The following STXBP5L variants were observed in gnomAD, a reference collection of about 807,000 sequenced individuals.
STXBP5L encodes syntaxin binding protein 5L.
Under a neutral mutation model 144.5 loss-of-function variants are expected in STXBP5L, and 65 were observed. The ratio of observed to expected loss-of-function variants is 0.45; its 90% CI spans 0.37 to 0.55. The LOEUF (loss-of-function observed/expected upper bound fraction) is 0.55. STXBP5L is among the 20% of genes least tolerant of loss of function. The pLI, the probability that STXBP5L is intolerant of heterozygous loss-of-function variation, is 0.00. For missense variants in STXBP5L, 1,298 were observed against 1,405.5 expected (o/e 0.92, Z 1.22); for synonymous variants, 505 against 469.6 (o/e 1.08, Z -0.97).
chr3:121,050,817 A>T (rs1291332059), intron 5 of STXBP5L, among the ~76,000 whole-genome samples: 1 of 152,202 alleles, frequency 6.6e-6, no homozygotes, highest in African/African-American at 2.4e-5. Flanking sequence ...AAGACCTATC[A>T]GTGTGCTGTA....
In STXBP5L at chr3:121,119,446, A is replaced by C. The variant is rs1320618389; in HGVS notation, c.606-2195A>C. On this transcript the variant is annotated intron_variant, in intron 6 of 26. Transcript: ENST00000471454. Reference sequence around the variant, plus strand: ...GAATATCAATATTTAAGATATGGGAAGATAATGAAAAGCCCATAATGGAAA... The same window carrying C: ...GAATATCAATATTTAAGATATGGGACGATAATGAAAAGCCCATAATGGAAA... Among the ~76,000 whole-genome samples the C allele has an allele frequency of 2.6e-5, 4 of 151,426 alleles. No individual in the cohort carries two copies. The South Asian group carries it at 8.3e-4, about 31-fold the overall frequency.
intron 3 of STXBP5L, among the ~76,000 whole-genome samples, chr3:121,006,050 T>C (rs1218532140): frequency 6.6e-6 from 1 of 152,190 alleles, no homozygotes; most frequent in East Asian, 1.9e-4. Flanking sequence ...TGGAGAGTTC[T>C]GTTGATGTCT....
chr3:121,217,311 G>A (rs891664279), intron 10 of STXBP5L, among the ~76,000 whole-genome samples: 22 of 152,248 alleles, frequency 1.4e-4, no homozygotes, highest in South Asian at 1.2e-3. Flanking sequence ...CCCTGATGAC[G>A]TAGGCACTGG....
chr3:120,997,106 G>C (rs144651988), intron 3 of STXBP5L, among the ~76,000 whole-genome samples: 1 of 150,978 alleles, frequency 6.6e-6, no homozygotes, highest in Non-Finnish European at 1.5e-5. Context: ...CTCCATCCAT[G>C]TTACTGCAAA....
intron 20 of STXBP5L, among the ~76,000 whole-genome samples, chr3:121,322,050 C>T (rs1186451718): frequency 2.0e-5 from 3 of 152,200 alleles, no homozygotes; most frequent in Admixed American, 6.5e-5. Context: ...CTATGGTTGC[C>T]ATCCTTATGT....
chr3:121,084,099 AT>A (rs201589890), intron 5 of STXBP5L, among the ~76,000 whole-genome samples: 1 of 147,428 alleles, frequency 6.8e-6, no homozygotes, highest in Non-Finnish European at 1.5e-5. Context: ...GCTCTTTACT[AT>A]TTTTTTTTAC....
At chr3:121,201,530 A>G (rs1416088051) in intron 9 of STXBP5L, among the ~76,000 whole-genome samples, 2 of 152,068 alleles carry the variant, frequency 1.3e-5, no homozygotes, top group African/African-American at 4.8e-5. Context: ...TAATATTGTT[A>G]TGTGTGAATT....
intron 20 of STXBP5L, among the ~76,000 whole-genome samples, chr3:121,361,682 G>A (rs976703861): frequency 3.3e-5 from 5 of 151,208 alleles, no homozygotes; most frequent in Non-Finnish European, 7.4e-5. Context: ...ATAGAATTCT[G>A]AATTCCTTCC....
At chr3:121,262,474 G>A (rs2108395334) in intron 18 of STXBP5L, among the ~76,000 whole-genome samples, 2 of 152,070 alleles carry the variant, frequency 1.3e-5, no homozygotes, top group South Asian at 4.2e-4. Context: ...TACTAACATT[G>A]TAAAAATTAG....
At chr3:121,039,760 A>G (rs566168202) in intron 3 of STXBP5L, among the ~76,000 whole-genome samples, 4 of 151,024 alleles carry the variant, frequency 2.6e-5, no homozygotes, top group Non-Finnish European at 4.4e-5. Context: ...TCTCTTTTTT[A>G]TTACTCAAAT....
intron 5 of STXBP5L, among the ~76,000 whole-genome samples, chr3:121,106,929 C>T (rs2043740733): frequency 6.6e-6 from 1 of 152,092 alleles, no homozygotes; most frequent in Admixed American, 6.5e-5. Flanking sequence ...TTTTAATGAT[C>T]ACCATTCTGA....
At chr3:121,306,350 C>T (rs2043337032) in intron 19 of STXBP5L, among the ~76,000 whole-genome samples, 1 of 152,094 alleles carries the variant, frequency 6.6e-6, no homozygotes, top group African/African-American at 2.4e-5. Flanking sequence ...CCCTTCTGAC[C>T]ATTCCCCAAT....
chr3:121,293,313 T>TGGGAAGGGACACATATGGTGAGGGC (rs2051517605), intron 19 of STXBP5L, among the ~76,000 whole-genome samples: 2 of 151,908 alleles, frequency 1.3e-5, no homozygotes, highest in Non-Finnish European at 2.9e-5. Flanking sequence ...TGCCTGGGAA[T>TGGGAAGGGACACATATGGTGAGGGC]GGGAAGGGAC....
At chr3:121,384,858 C>T (rs1217243772) in intron 22 of STXBP5L, among the ~76,000 whole-genome samples, 1 of 151,772 alleles carries the variant, frequency 6.6e-6, no homozygotes, top group African/African-American at 2.4e-5. Flanking sequence ...CATTTCCTCC[C>T]CTAGGAATTT....
chr3:121,287,876 G>C (rs977737511), intron 19 of STXBP5L, among the ~76,000 whole-genome samples: 4 of 152,044 alleles, frequency 2.6e-5, no homozygotes, highest in African/African-American at 4.8e-5. Flanking sequence ...ACATTGCTAA[G>C]AAAAGTTAAG....
chr3:121,062,774 T>G (rs772060096), intron 5 of STXBP5L, among the ~76,000 whole-genome samples: 4 of 152,216 alleles, frequency 2.6e-5, no homozygotes, highest in Non-Finnish European at 4.4e-5. Context: ...ATTCTTGACA[T>G]TCTTTCTTCC....
chr3:121,060,259 T>C (rs1223594709), intron 5 of STXBP5L, among the ~76,000 whole-genome samples: 1 of 152,224 alleles, frequency 6.6e-6, no homozygotes, highest in African/African-American at 2.4e-5. Context: ...TTTCTGTTTA[T>C]GTGATGGATT....
At chr3:121,404,246 T>C (rs1045215318) in intron 22 of STXBP5L, among the ~76,000 whole-genome samples, 1 of 152,098 alleles carries the variant, frequency 6.6e-6, no homozygotes, top group African/African-American at 2.4e-5. Flanking sequence ...CCCATATTTC[T>C]TTCATACCCT....
intron 20 of STXBP5L, among the ~76,000 whole-genome samples, chr3:121,356,238 G>C (rs2045509090): frequency 6.6e-6 from 1 of 152,220 alleles, no homozygotes; most frequent in African/African-American, 2.4e-5. Context: ...TATCAGACAG[G>C]GACATTTAAG....
Sources: allele counts gnomAD v4.1 joint callset (sites outside exome capture counted in the v4.1 genomes callset), GRCh38; gene constraint gnomAD v4.1.1; transcripts MANE v1.5; gene names NCBI Gene and HGNC (gene_info 2026-07-23, HGNC 2026-07-21).